INPP4B: variants seen among roughly 807,000 people sequenced by gnomAD.
INPP4B encodes inositol polyphosphate-4-phosphatase type II B, also known as inositol polyphosphate 4-phosphatase type II.
A neutral mutation model predicts 122.5 loss-of-function variants in INPP4B; 55 were observed. That is an observed-to-expected ratio of 0.45 (90% CI 0.36 to 0.56). The LOEUF (loss-of-function observed/expected upper bound fraction) is 0.56. INPP4B is among the 20% of genes least tolerant of loss of function. The pLI is 0.00. For synonymous variants in INPP4B, 403 were observed against 388.7 expected (o/e 1.04, Z -0.43); for missense variants, 1,000 against 1,097.7 (o/e 0.91, Z 1.26).
chr4:142,033,768 G>A (rs1235884127), intron 25 of INPP4B, among the ~76,000 whole-genome samples: 1 of 149,550 alleles, frequency 6.7e-6, no homozygotes, highest in Non-Finnish European at 1.5e-5. Context: ...GAGCTCAAGT[G>A]AGCCTCCCAT....
intron 17 of INPP4B, among the ~76,000 whole-genome samples, chr4:142,158,027 A>G (rs926201338): frequency 1.3e-5 from 2 of 152,046 alleles, no homozygotes; most frequent in African/African-American, 4.8e-5. Context: ...TTCTCTTGTA[A>G]GGACCTTGCT....
At chr4:142,087,466 T>C (rs1334346854) in intron 23 of INPP4B, among the ~76,000 whole-genome samples, 1 of 152,138 alleles carries the variant, frequency 6.6e-6, no homozygotes, top group Non-Finnish European at 1.5e-5. Context: ...AATATTATAG[T>C]GATAGAAACA....
intron 7 of INPP4B, among the ~76,000 whole-genome samples, chr4:142,400,748 C>T (rs6839769): frequency 0.2 from 30,202 of 151,982 alleles, 3,978 homozygotes; most frequent in African/African-American, 0.37. Flanking sequence ...TACTTTTACG[C>T]CATAACACCT....
chr4:142,810,508 G>GT (rs1165335085), intron 1 of INPP4B, among the ~76,000 whole-genome samples: 1 of 152,112 alleles, frequency 6.6e-6, no homozygotes, highest in Non-Finnish European at 1.5e-5. Flanking sequence ...TTTTACTGCT[G>GT]TAAGTATGAG....
At chr4:142,109,099 C>G (rs886154212) in intron 22 of INPP4B, among the ~76,000 whole-genome samples, 1 of 151,848 alleles carries the variant, frequency 6.6e-6, no homozygotes, top group African/African-American at 2.4e-5. Context: ...CCTCACCTTA[C>G]CCACTATTCC....
intron 1 of INPP4B, among the ~76,000 whole-genome samples, chr4:142,759,432 A>T (rs1188305347): frequency 6.6e-6 from 1 of 152,108 alleles, no homozygotes; most frequent in Non-Finnish European, 1.5e-5. Context: ...TCTATTAGAG[A>T]ACTAGTCCAA....
intron 5 of INPP4B, chr4:142,425,091 A>G (rs1580017914): frequency 6.6e-6 from 1 of 152,060 alleles, no homozygotes; most frequent in Admixed American, 6.6e-5. Context: ...AACTTTTCCA[A>G]AGAAAATTAT....
At chr4:142,437,619 A>G (rs914102720) in intron 3 of INPP4B, among the ~76,000 whole-genome samples, 1 of 152,278 alleles carries the variant, frequency 6.6e-6, no homozygotes, top group South Asian at 2.1e-4. Context: ...ATTCTTAAAG[A>G]AAAGAATTTT....
chr4:142,470,143 C>T (rs186836374), intron 2 of INPP4B, among the ~76,000 whole-genome samples: 35 of 151,432 alleles, frequency 2.3e-4, no homozygotes, highest in Admixed American at 9.9e-4. Context: ...ATAAAGAAAA[C>T]GCATAGCAGA....
At chr4:142,379,851 G>C (rs1349809318) in intron 7 of INPP4B, among the ~76,000 whole-genome samples, 1 of 152,196 alleles carries the variant, frequency 6.6e-6, no homozygotes, top group Non-Finnish European at 1.5e-5. Context: ...ATCAGATTGA[G>C]GGTTCATATG....
intron 17 of INPP4B, among the ~76,000 whole-genome samples, chr4:142,158,852 A>T (rs1223473669): frequency 6.6e-6 from 1 of 151,930 alleles, no homozygotes; most frequent in African/African-American, 2.4e-5. Flanking sequence ...AGGGGGAAAA[A>T]TTCCAAGATT....
At chr4:142,570,191 T>TA (rs1285036584) in intron 2 of INPP4B, among the ~76,000 whole-genome samples, 1 of 152,100 alleles carries the variant, frequency 6.6e-6, no homozygotes, top group Non-Finnish European at 1.5e-5. Flanking sequence ...TCACACTCAA[T>TA]AATAAAGTGA....
At chr4:142,566,059 C>A (rs2150140117) in intron 2 of INPP4B, 1 of 151,924 alleles carries the variant, frequency 6.6e-6, no homozygotes, top group East Asian at 1.9e-4. Flanking sequence ...AACGTACGTA[C>A]ACTCATATGT....
chr4:142,158,518 C>T (rs1008267550), intron 17 of INPP4B, among the ~76,000 whole-genome samples: 26 of 152,230 alleles, frequency 1.7e-4, no homozygotes, highest in Admixed American at 1.3e-4. Flanking sequence ...CACTTTCTTC[C>T]GTCTTTGCCC....
chr4:142,362,724 T>C (rs1785903073), intron 7 of INPP4B, among the ~76,000 whole-genome samples: 1 of 152,070 alleles, frequency 6.6e-6, no homozygotes, highest in East Asian at 1.9e-4. Context: ...CCCAAGAGAA[T>C]TGATGCAGGA....
At chr4:142,116,028 G>C (rs139937044) in intron 21 of INPP4B, among the ~76,000 whole-genome samples, 20,175 of 151,908 alleles carry the variant, frequency 0.13, 1,515 homozygotes, top group East Asian at 0.24. Flanking sequence ...TCTGATAAAA[G>C]AGACTTTAAA....
intron 25 of INPP4B, chr4:142,030,238 T>G (rs1228905436): frequency 6.5e-7 from 1 of 1,535,618 alleles, no homozygotes; most frequent in Non-Finnish European, 8.7e-7. Flanking sequence ...GAAGTTGGCT[T>G]GTTATCAGTT....
At chr4:142,834,774 A>G (rs1487914745) in intron 1 of INPP4B, among the ~76,000 whole-genome samples, 1 of 152,178 alleles carries the variant, frequency 6.6e-6, no homozygotes, top group African/African-American at 2.4e-5. Flanking sequence ...TATCAGTACC[A>G]CATCGCCTAA....
Position 142,042,607 on chromosome 4 carries a change from G to A in INPP4B, c.2643-13693C>T, listed in dbSNP as rs185462488. On this transcript the variant is annotated intron_variant, in intron 25 of 25. Transcript: ENST00000262992. ...AGACAGAGTCTCACTCCGTCGCCCA[G>A]GCTGGAGTGCAGTGATGCGATCTCA... is the stretch of plus-strand genomic sequence containing the variant. 3.3e-3 allele frequency among the ~76,000 whole-genome samples: 506 copies of A among 151,344 alleles called. 3 individuals are homozygous for A. The highest frequency in any genetic ancestry group is 5.2e-3 in the Admixed American group (79 of 15,208).
Sources: gnomAD v4.1 joint callset for allele counts (sites outside exome capture counted in the v4.1 genomes callset) on GRCh38, gnomAD v4.1.1 for gene constraint, MANE v1.5 for transcripts, NCBI Gene and HGNC (gene_info 2026-07-23, HGNC 2026-07-21) for gene names.